The following UTRN variants were observed in gnomAD, a reference collection of about 807,000 sequenced individuals.
UTRN encodes utrophin.
Under a neutral mutation model 463.9 loss-of-function variants are expected in UTRN, and 283 were observed. The ratio of observed to expected loss-of-function variants is 0.61; its 90% CI spans 0.55 to 0.67. UTRN has a LOEUF of 0.67. Ranked by LOEUF, UTRN falls within the 30% of genes least tolerant of loss-of-function variation. The pLI is 0.00. For missense variants in UTRN, 3,922 were observed against 4,084.3 expected (o/e 0.96, Z 1.08); for synonymous variants, 1,442 against 1,431.5 (o/e 1.01, Z -0.17).
chr6:144,840,473 C>A lies in UTRN; in HGVS notation c.10178-267C>A, dbSNP rs541411697. Among the ~76,000 whole-genome samples, 25 of 152,136 alleles carry A rather than the reference C, an allele frequency of 1.6e-4. No homozygotes were observed. The South Asian group carries it at 5.0e-3, about 30-fold the overall frequency. The stretch of plus-strand genomic sequence containing the variant: ...TAATAAGACCATATTACTTGTTTTT[C>A]AGTCTCATATTTTTCAGTCCCCTGG... On this transcript the variant is annotated intron_variant, in intron 72 of 74. Coordinates refer to ENST00000367545, the MANE Select transcript of UTRN (RefSeq NM_007124.3).
chr6:144,733,294 G>A (rs751920584), intron 54 of UTRN, among the ~76,000 whole-genome samples: 9 of 152,014 alleles, frequency 5.9e-5, no homozygotes, highest in Non-Finnish European at 1.0e-4. Flanking sequence ...CGAGGCAGGC[G>A]GATCATGAGG....
At chr6:144,516,485 C>G in intron 38 of UTRN, 98 bp downstream of exon 38, 1 of 1,299,994 alleles carries the variant, frequency 7.7e-7, no homozygotes, top group Non-Finnish European at 1.1e-6. Context: ...ATCTGTCAAA[C>G]ATGATGAAAC....
chr6:144,715,877 G>A lies in UTRN; in HGVS notation c.7810-14480G>A, dbSNP rs146713826. Reference sequence around the variant, plus strand: ...GTCCTTTGGTGTGAATGTTCCTTTTGTCTCTTTATTTCTCAGTAATTCTTT... The same window carrying A: ...GTCCTTTGGTGTGAATGTTCCTTTTATCTCTTTATTTCTCAGTAATTCTTT... On this transcript the variant is annotated intron_variant, in intron 53 of 74. Coordinates refer to ENST00000367545, the MANE Select transcript of UTRN (RefSeq NM_007124.3). Among the ~76,000 whole-genome samples the A allele has an allele frequency of 4.0e-5, 6 of 148,548 alleles. No individual in the cohort carries two copies. The East Asian group carries it at 1.2e-3, about 30-fold the overall frequency.
At chr6:144,530,190 G>A (rs1188607430) in intron 41 of UTRN, among the ~76,000 whole-genome samples, 3 of 152,186 alleles carry the variant, frequency 2.0e-5, no homozygotes, top group African/African-American at 4.8e-5. Flanking sequence ...CACAGTTCTG[G>A]AGGCTGGAAG....
chr6:144,717,493 G>T (rs771589390), intron 53 of UTRN, among the ~76,000 whole-genome samples: 5 of 152,040 alleles, frequency 3.3e-5, no homozygotes, highest in African/African-American at 7.2e-5. Context: ...CAAAAAAACC[G>T]CTGCATTTAT....
intron 2 of UTRN, among the ~76,000 whole-genome samples, chr6:144,300,374 G>A (rs1256069650): frequency 1.3e-5 from 2 of 152,158 alleles, no homozygotes; most frequent in African/African-American, 4.8e-5. Flanking sequence ...ACAGGCATGA[G>A]CCATGGTTCC....
intron 73 of UTRN, 136 bp from the exon 74 acceptor site, chr6:144,846,669 A>G (rs1050812798): frequency 3.4e-6 from 4 of 1,172,296 alleles, no homozygotes; most frequent in East Asian, 2.5e-5. Context: ...TGTTTTTCCT[A>G]TTAGCATCCA....
At chr6:144,793,715 A>G in intron 62 of UTRN, 119 bp from the exon 63 acceptor site, 2 of 1,251,662 alleles carry the variant, frequency 1.6e-6, no homozygotes, top group Non-Finnish European at 2.2e-6. Context: ...AACGAATCAG[A>G]TTCATGTCCT....
At chr6:144,667,009 T>TTCTTCTTCC (rs571637201) in intron 51 of UTRN, among the ~76,000 whole-genome samples, 1,980 of 150,862 alleles carry the variant, frequency 0.013, 42 homozygotes, top group African/African-American at 0.046. Flanking sequence ...CCACTACTAC[T>TTCTTCTTCC]TCTTCTTCCT....
chr6:144,329,231 C>T (rs1314175905), intron 2 of UTRN, among the ~76,000 whole-genome samples: 2 of 151,814 alleles, frequency 1.3e-5, no homozygotes, highest in South Asian at 2.1e-4. Context: ...TACAGGCGCA[C>T]GCCATCATGC....
chr6:144,552,273 T>C (rs1798988473), intron 48 of UTRN, among the ~76,000 whole-genome samples: 1 of 152,236 alleles, frequency 6.6e-6, no homozygotes, highest in African/African-American at 2.4e-5. Flanking sequence ...AAAGAACTTT[T>C]AATGTCTAAC....
intron 63 of UTRN, among the ~76,000 whole-genome samples, chr6:144,795,581 G>C (rs1042096184): frequency 6.6e-6 from 1 of 152,134 alleles, no homozygotes; most frequent in African/African-American, 2.4e-5. Context: ...GTGTGAGATG[G>C]TATCTCATTG....
intron 51 of UTRN, among the ~76,000 whole-genome samples, chr6:144,653,006 T>C (rs962793287): frequency 2.6e-5 from 4 of 152,128 alleles, no homozygotes; most frequent in African/African-American, 7.2e-5. Flanking sequence ...GGGTATTTTC[T>C]ATCTAATGAT....
chr6:144,343,975 C>CA (rs113330820), intron 2 of UTRN: 10,320 of 279,000 alleles, frequency 0.037, 1,065 homozygotes, highest in African/African-American at 0.23. Flanking sequence ...ATTAAAAAAA[C>CA]AAAAAACCTG....
intron 53 of UTRN, among the ~76,000 whole-genome samples, chr6:144,722,531 T>C (rs1787315305): frequency 6.6e-6 from 1 of 152,154 alleles, no homozygotes; most frequent in Non-Finnish European, 1.5e-5. Context: ...ATTTTTCCAT[T>C]CTCTTGAATC....
At chr6:144,661,356 G>T (rs1219217640) in intron 51 of UTRN, among the ~76,000 whole-genome samples, 2 of 152,174 alleles carry the variant, frequency 1.3e-5, no homozygotes, top group Non-Finnish European at 2.9e-5. Flanking sequence ...TGGGATGAAT[G>T]TGGAGAGAGA....
At chr6:144,518,678 T>C (rs1036447318) in intron 39 of UTRN, among the ~76,000 whole-genome samples, 2 of 152,200 alleles carry the variant, frequency 1.3e-5, no homozygotes, top group Admixed American at 6.6e-5. Flanking sequence ...CAATATCTTT[T>C]TCATCTTTGG....
At chr6:144,767,641 T>A (rs556559991) in intron 58 of UTRN, among the ~76,000 whole-genome samples, 152 of 152,264 alleles carry the variant, frequency 1.0e-3, no homozygotes, top group Non-Finnish European at 3.4e-4. Flanking sequence ...AGAAAAAGTT[T>A]ATCCAAAAAA....
At chr6:144,695,909 A>T (rs1176597553) in intron 52 of UTRN, among the ~76,000 whole-genome samples, 1 of 152,248 alleles carries the variant, frequency 6.6e-6, no homozygotes, top group African/African-American at 2.4e-5. Context: ...AGATTGTCTT[A>T]ATTAAATATC....
Sources: gnomAD v4.1 joint callset for allele counts (sites outside exome capture counted in the v4.1 genomes callset) on GRCh38, gnomAD v4.1.1 for gene constraint, MANE v1.5 for transcripts, NCBI Gene and HGNC (gene_info 2026-07-23, HGNC 2026-07-21) for gene names.